The following TUSC3 variants were observed in gnomAD, a reference collection of about 807,000 sequenced individuals.
TUSC3 encodes dolichyl-diphosphooligosaccharide--protein glycosyltransferase subunit TUSC3.
In TUSC3, 45 loss-of-function variants were observed where a neutral mutation model predicts 44.8. That is an observed-to-expected ratio of 1.00 (90% CI 0.79 to 1.29). The LOEUF (loss-of-function observed/expected upper bound fraction) is 1.29, where lower values mean the gene tolerates loss of function less well. TUSC3 is among the 50% of genes most tolerant of loss of function. The pLI, the probability that TUSC3 is intolerant of heterozygous loss-of-function variation, is 0.00. For synonymous variants in TUSC3, 212 were observed against 152.9 expected (o/e 1.39, Z -2.85); for missense variants, 519 against 437.9 (o/e 1.19, Z -1.65).
chr8:15,820,644 C>G, the TUSC3 span, among the ~76,000 whole-genome samples: 2 of 152,074 alleles, frequency 1.3e-5, no homozygotes, highest in East Asian at 1.9e-4. Context: ...CATGACATCA[C>G]TTTCTGATTT....
At chr8:15,569,194 T>G (rs1397145517) in intron 1 of TUSC3, among the ~76,000 whole-genome samples, 1 of 152,208 alleles carries the variant, frequency 6.6e-6, no homozygotes. Flanking sequence ...CATCTGCTTC[T>G]GCATTTGGCA....
intron 1 of TUSC3, among the ~76,000 whole-genome samples, chr8:15,471,693 C>G (rs764118490): frequency 6.6e-6 from 1 of 151,376 alleles, no homozygotes; most frequent in Non-Finnish European, 1.5e-5. Flanking sequence ...TCTCAGCTCA[C>G]TGCAACCTCC....
intron 3 of TUSC3, 61 bp from the exon 4 acceptor site, chr8:15,659,445 TA>T (rs1807322351): frequency 6.3e-7 from 1 of 1,577,182 alleles, no homozygotes; most frequent in East Asian, 2.3e-5. Context: ...AGAAAAAGTG[TA>T]AAATATTGGA....
chr8:15,488,873 T>C (rs759829058), intron 2 of TUSC3, among the ~76,000 whole-genome samples: 7 of 152,182 alleles, frequency 4.6e-5, no homozygotes, highest in Non-Finnish European at 8.8e-5. Flanking sequence ...ATAGTATTTG[T>C]TATAGCATCC....
chr8:15,495,518 A>G (rs1372533143), intron 2 of TUSC3, among the ~76,000 whole-genome samples: 1 of 152,114 alleles, frequency 6.6e-6, no homozygotes, highest in Non-Finnish European at 1.5e-5. Flanking sequence ...GCAAGGCCCC[A>G]AGAGGATGCT....
At position 15,700,849 on chromosome 8, in the gene TUSC3, C is replaced by CTTTTTTTTTTTTTTTTTTTTTTTTTTTT. The variant is rs71211076; in HGVS notation, c.798+27031_798+27032insTTTTTTTTTTTTTTTTTTTTTTTTTTTT. 2.5e-4 allele frequency among the ~76,000 whole-genome samples: 23 copies of CTTTTTTTTTTTTTTTTTTTTTTTTTTTT among 90,538 alleles called. 4 individuals carry two copies. Among genetic ancestry groups the CTTTTTTTTTTTTTTTTTTTTTTTTTTTT allele is most frequent in the African/African-American group, 7.8e-4 (16 of 20,412 alleles). The allele number at this position is 90,538 out of a possible 152,430, so 59.4% of individuals were successfully genotyped here. ...CTTTCACTAGAGGGAATGGCTGGAG[C>CTTTTTTTTTTTTTTTTTTTTTTTTTTTT]TTTTTTTTTTTTTTTTTTGCTTTGC... On this transcript the variant is annotated intron_variant, in intron 6 of 10. Transcript: ENST00000503731.
At chr8:15,757,170 A>C (rs1811960855) in intron 9 of TUSC3, among the ~76,000 whole-genome samples, 1 of 152,190 alleles carries the variant, frequency 6.6e-6, no homozygotes, top group Non-Finnish European at 1.5e-5. Context: ...GAGGTATCGC[A>C]GTTCCAATTC....
At chr8:15,766,740 A>G (rs1328725201), downstream of TUSC3, 5 of 152,096 alleles carry the variant, frequency 3.3e-5, no homozygotes, top group African/African-American at 1.2e-4. Flanking sequence ...GGAGACGACT[A>G]GATGTTGCTG....
intron 7 of TUSC3, among the ~76,000 whole-genome samples, chr8:15,742,394 C>T (rs2129213952): frequency 6.6e-6 from 1 of 152,184 alleles, no homozygotes; most frequent in East Asian, 1.9e-4. Flanking sequence ...AGAAGTCAGG[C>T]ATTTATCCTT....
chr8:15,658,129 A>C (rs750892506), intron 3 of TUSC3, among the ~76,000 whole-genome samples: 15 of 152,202 alleles, frequency 9.9e-5, no homozygotes, highest in African/African-American at 2.4e-5. Flanking sequence ...CAAACATTCA[A>C]ACCATAGCAA....
intron 1 of TUSC3, among the ~76,000 whole-genome samples, chr8:15,550,924 G>T (rs1389301032): frequency 1.3e-5 from 2 of 151,576 alleles, no homozygotes; most frequent in Non-Finnish European, 2.9e-5. Context: ...TGCCCGCCTC[G>T]GCCTCCCAAG....
intron 1 of TUSC3, among the ~76,000 whole-genome samples, chr8:15,576,279 G>GTTTTTTTTTTTTTTTTT (rs1175068882): frequency 1.4e-4 from 15 of 104,772 alleles, no homozygotes; most frequent in Admixed American, 1.9e-4. Flanking sequence ...TGGTCCTCTT[G>GTTTTTTTTTTTTTTTTT]TTTTTTTTTT....
rs148205342 is a variant in TUSC3 at position 15,702,058 on chromosome 8, C to T, written c.798+28222C>T. 8.7e-4 allele frequency among the ~76,000 whole-genome samples: 133 copies of T among 152,064 alleles called. 1 individual carries two copies. The highest frequency in any genetic ancestry group is 3.0e-3 in the African/African-American group (125 of 41,486). ...CACTACCAAGGTAATGGAAATGGGA[C>T]GAGAATGGAAGAGCCATTATGTAAG... On this transcript the variant is annotated intron_variant, in intron 6 of 10. Coordinates refer to ENST00000503731, the MANE Select transcript of TUSC3 (RefSeq NM_006765.4).
chr8:15,639,164 G>C (rs907486598), intron 2 of TUSC3, among the ~76,000 whole-genome samples: 1 of 151,620 alleles, frequency 6.6e-6, no homozygotes, highest in East Asian at 2.0e-4. Flanking sequence ...ATCATGTGTC[G>C]ATGCTAGATC....
chr8:15,466,192 G>T (rs562261785), intron 1 of TUSC3, among the ~76,000 whole-genome samples: 16 of 152,272 alleles, frequency 1.1e-4, no homozygotes, highest in African/African-American at 3.9e-4. Context: ...CCTAAAGGCA[G>T]CATCTTTTCT....
intron 1 of TUSC3, among the ~76,000 whole-genome samples, chr8:15,599,085 A>G (rs1431857560): frequency 2.0e-5 from 3 of 151,864 alleles, no homozygotes; most frequent in Non-Finnish European, 4.4e-5. Flanking sequence ...TCCTGCTGCT[A>G]CACATCCTCT....
chr8:15,802,078 C>G, the TUSC3 span, among the ~76,000 whole-genome samples: 1,937 of 152,068 alleles, frequency 0.013, 44 homozygotes, highest in African/African-American at 0.044. Flanking sequence ...TGCTGTTACA[C>G]GTGACTCTTG....
intron 10 of TUSC3, among the ~76,000 whole-genome samples, chr8:15,762,273 A>G (rs1296347907): frequency 6.6e-6 from 1 of 152,052 alleles, no homozygotes; most frequent in African/African-American, 2.4e-5. Flanking sequence ...GAAGTACTCT[A>G]ATTGTCCTAC....
At chr8:15,776,766 T>C in the TUSC3 span, among the ~76,000 whole-genome samples, 1 of 152,132 alleles carries the variant, frequency 6.6e-6, no homozygotes, top group Middle Eastern at 3.2e-3. Context: ...AAGTATTCTT[T>C]TAAGGCATTC....
Sources: gnomAD v4.1 joint callset for allele counts (sites outside exome capture counted in the v4.1 genomes callset) on GRCh38, gnomAD v4.1.1 for gene constraint, MANE v1.5 for transcripts, NCBI Gene and HGNC (gene_info 2026-07-23, HGNC 2026-07-21) for gene names.